The following CTCFL variants were observed in gnomAD, a reference collection of about 807,000 sequenced individuals.
CTCFL encodes the protein transcriptional repressor CTCFL.
CTCFL carries 36 observed loss-of-function variants against 67.4 expected under a neutral mutation model. The ratio of observed to expected loss-of-function variants is 0.53; its 90% confidence interval spans 0.41 to 0.71. CTCFL has a LOEUF of 0.71. Among genes scored for constraint, CTCFL ranks in the 30% least tolerant of loss-of-function variants. The pLI is 0.00. For missense variants in CTCFL, 786 were observed against 835.2 expected, an observed-to-expected ratio of 0.94 and a Z score of 0.73; for synonymous variants, 324 against 302.3, an observed-to-expected ratio of 1.07 and a Z score of -0.75.
chr20:57,496,293 T>C (rs572619630), downstream of CTCFL: 14 of 695,084 alleles, frequency 2.0e-5, no homozygotes, highest in East Asian at 3.2e-4. Flanking sequence ...TCTGCCTTGA[T>C]TGTAAGTTTC....
intron 10 of CTCFL, among the ~76,000 whole-genome samples, chr20:57,502,038 C>T (rs1057049160): frequency 6.6e-5 from 10 of 152,210 alleles, no homozygotes; most frequent in Admixed American, 5.9e-4. Flanking sequence ...GAGGGTGCTC[C>T]GCGCATGGGC....
intron 5 of CTCFL, among the ~76,000 whole-genome samples, chr20:57,517,154 G>T (rs1307670696): frequency 6.6e-6 from 1 of 152,002 alleles, no homozygotes; most frequent in Admixed American, 6.6e-5. Flanking sequence ...AAAACAAAAA[G>T]AATTTTAAAA....
In CTCFL at chr20:57,498,563, G is replaced by A. The variant is rs551077137; in HGVS notation, c.1979C>T (p.Thr660Met). Reference protein sequence around the residue: ...EGVTCEMLLNTMDK With the variant: ...EGVTCEMLLNMMDK ...CCCGAATCCCTCTCACTTATCCATC[G>A]TGTTGAGGAGCATTTCACAGGTCAC... The change falls in exon 11 of 11, where the codon ACG becomes ATG. Residue 660 changes from threonine (T) to methionine (M), a missense_variant. Coordinates refer to ENST00000243914, the MANE Select transcript of CTCFL (RefSeq NM_001386993.1). 12 of 1,613,546 alleles carry A rather than the reference G, an allele frequency of 7.4e-6. No homozygotes were observed. Among genetic ancestry groups the A allele is most frequent in the South Asian group, 5.5e-5 (5 of 90,942 alleles).
chr20:57,517,904 C>A (rs1012337725), intron 5 of CTCFL, among the ~76,000 whole-genome samples: 2 of 152,214 alleles, frequency 1.3e-5, no homozygotes, highest in African/African-American at 4.8e-5. Context: ...ATTTTGCATT[C>A]TCATACTACA....
chr20:57,507,061 T>C (rs1273400168), intron 9 of CTCFL: 3 of 988,474 alleles, frequency 3.0e-6, no homozygotes, highest in South Asian at 4.6e-5. Flanking sequence ...GGTCCAAGGA[T>C]CTAGCTAGCC....
At chr20:57,502,387 T>C (rs1427849999) in intron 10 of CTCFL, among the ~76,000 whole-genome samples, 1 of 152,202 alleles carries the variant, frequency 6.6e-6, no homozygotes, top group East Asian at 1.9e-4. Flanking sequence ...AAATAGTGCA[T>C]GGGACACATT....
At chr20:57,521,452 A>T (rs6025604) in intron 3 of CTCFL, among the ~76,000 whole-genome samples, 102,485 of 152,188 alleles carry the variant, frequency 0.67, 36,376 homozygotes, top group African/African-American at 0.91. Flanking sequence ...AACTGGAAGC[A>T]ACACACACTG....
chr20:57,496,709 T>G (rs1759145379), downstream of CTCFL, among the ~76,000 whole-genome samples: 2 of 152,228 alleles, frequency 1.3e-5, no homozygotes, highest in African/African-American at 4.8e-5. Context: ...ACTTGTCCTT[T>G]TGTGACTAGC....
chr20:57,523,371 C>T, intron 2 of CTCFL, 93 bp from the exon 3 acceptor site: 1 of 1,250,272 alleles, frequency 8.0e-7, no homozygotes. Context: ...AAAGAAAAGC[C>T]AAAGTGGAAG....
Position 57,523,876 on chromosome 20 carries a change from C to A in CTCFL, c.330G>T (p.Val110=). ...ACCCAGGGCCAGGCTGTTGCACCACCACCTGCACCCCTTCTTGCTGCTGTA... is the reference window on the plus strand; with the variant it reads ...ACCCAGGGCCAGGCTGTTGCACCACAACCTGCACCCCTTCTTGCTGCTGTA... The part of the protein sequence containing the change: ...LSIQQQEGVQ[V]VVQQPGPGLL... The change falls in exon 2 of 11, where the codon GTG becomes GTT. Residue 110 remains valine, a synonymous_variant. Transcript: ENST00000243914. 1 of 1,613,218 alleles carries A rather than the reference C, an allele frequency of 6.2e-7. No homozygotes were observed. The highest frequency in any genetic ancestry group is 8.5e-7 in the Non-Finnish European group (1 of 1,180,038).
rs773037012 is a variant in CTCFL at position 57,519,209 on chromosome 20, G to A, written c.923C>T (p.Thr308Ile). ...TLLRNHVNTH[T>I]GTRPYKCNDC... ...AACAGCCTTCCCGGCAGTTTTACCTGTGTGGGTGTTAACATGGTTCCGCAG... is the reference window on the plus strand; with the variant it reads ...AACAGCCTTCCCGGCAGTTTTACCTATGTGGGTGTTAACATGGTTCCGCAG... The change falls in exon 4 of 11, where the codon ACA (threonine) becomes ATA (isoleucine). Residue 308 changes from threonine to isoleucine, a missense_variant and splice_region_variant. Around this residue, in one of 3 missense-constraint regions of CTCFL, gnomAD observed 254 missense variants for 333.9 expected, o/e 0.76. Coordinates refer to ENST00000243914, the MANE Select transcript of CTCFL (RefSeq NM_001386993.1). 1.2e-6 allele frequency: 2 copies of A among 1,614,054 alleles called. No individual in the cohort carries two copies. The highest frequency in any genetic ancestry group is 3.3e-5 in the Admixed American group (2 of 60,020).
chr20:57,516,309 G>T (rs1361071863), intron 5 of CTCFL, among the ~76,000 whole-genome samples: 2 of 152,108 alleles, frequency 1.3e-5, no homozygotes, highest in African/African-American at 4.8e-5. Context: ...AGGCTGAGAG[G>T]GGTGGATCAC....
At chr20:57,507,923 G>A in intron 9 of CTCFL, 1 of 672,262 alleles carries the variant, frequency 1.5e-6, no homozygotes. Context: ...AGTACCAACA[G>A]CACTATTCTT....
chr20:57,523,826 C>A lies in CTCFL; in HGVS notation c.380G>T (p.Arg127Leu). 6.2e-7 allele frequency: 1 copy of A among 1,613,086 alleles called. No individual in the cohort carries two copies. The highest frequency in any genetic ancestry group is 1.1e-5 in the South Asian group (1 of 91,082). The change falls in exon 2 of 11, where the codon CGG (arginine) becomes CTG (leucine). Residue 127 changes from arginine (R) to leucine (L), a missense_variant. Physicochemically the swap from Arg to Leu is moderately radical, Grantham distance 102. Around this residue, in one of 3 missense-constraint regions of CTCFL, gnomAD observed 333 missense variants for 304.6 expected, o/e 1.09. Coordinates refer to ENST00000243914, the MANE Select transcript of CTCFL (RefSeq NM_001386993.1). ...PGLLWLEEGPRQSLQQCVAIS... is the reference protein window; with the variant it reads ...PGLLWLEEGPLQSLQQCVAIS... Reference sequence around the variant, plus strand: ...GGCCACACACTGCTGCAGGCTCTGCCGGGGCCCTTCCTCAAGCCACAGCAA... The same window carrying A: ...GGCCACACACTGCTGCAGGCTCTGCAGGGGCCCTTCCTCAAGCCACAGCAA...
chr20:57,511,971 C>T (rs1050526207), intron 8 of CTCFL, among the ~76,000 whole-genome samples: 1 of 152,156 alleles, frequency 6.6e-6, no homozygotes, highest in Non-Finnish European at 1.5e-5. Flanking sequence ...TTGTTCCTTT[C>T]TTAGTGAAAA....
chr20:57,499,298 G>A lies in CTCFL; in HGVS notation c.1841-597C>T, dbSNP rs118036920. 1.6e-4 allele frequency among the ~76,000 whole-genome samples: 25 copies of A among 152,292 alleles called. No individual in the cohort carries two copies. In the East Asian group the frequency reaches 2.5e-3, roughly 15 times the overall value. On this transcript the variant is annotated intron_variant, in intron 10 of 10. Coordinates refer to ENST00000243914, the MANE Select transcript of CTCFL (RefSeq NM_001386993.1). ...CCTTTGGCCAATCGACATATACTGA[G>A]TACTGATTCTGTGGGTTGCGCGTTC...
intron 8 of CTCFL, among the ~76,000 whole-genome samples, chr20:57,512,384 G>A (rs1042662513): frequency 2.0e-5 from 3 of 152,212 alleles, no homozygotes; most frequent in Admixed American, 6.5e-5. Flanking sequence ...GGCCCTAGTT[G>A]GTCACAGGGA....
chr20:57,522,358 A>G (rs539083273), intron 3 of CTCFL, among the ~76,000 whole-genome samples: 52 of 152,386 alleles, frequency 3.4e-4, no homozygotes, highest in Non-Finnish European at 6.2e-4. Context: ...GTTGATTTAA[A>G]TAAGTGAGAA....
chr20:57,508,088 G>A (rs2068317593), intron 9 of CTCFL, among the ~76,000 whole-genome samples: 1 of 152,016 alleles, frequency 6.6e-6, no homozygotes, highest in Admixed American at 6.6e-5. Context: ...GCCTACAGGG[G>A]TGCACCACCA....
Sources: gnomAD v4.1 joint callset for allele counts (sites outside exome capture counted in the v4.1 genomes callset) on GRCh38, gnomAD v4.1.1 for gene constraint, gnomAD v4.1.1 regional missense constraint, MANE v1.5 for transcripts, NCBI Gene and HGNC (gene_info 2026-07-23, HGNC 2026-07-21) for gene names.